CDH9: variants seen among roughly 807,000 people sequenced by gnomAD.
The protein encoded by CDH9 is cadherin-9.
In CDH9, 28 loss-of-function variants were observed where a neutral mutation model predicts 70.9. The ratio of observed to expected loss-of-function variants is 0.40; its 90% CI spans 0.29 to 0.54. The LOEUF (loss-of-function observed/expected upper bound fraction) is 0.54. CDH9 is among the 20% of genes least tolerant of loss of function. The pLI is 0.59. For missense variants in CDH9, 874 were observed against 984.4 expected (o/e 0.89, Z 1.50); for synonymous variants, 409 against 343.1 (o/e 1.19, Z -2.12).
chr5:27,038,502 C>T lies in CDH9; in HGVS notation c.-89G>A, dbSNP rs1037367237. On this transcript the variant is annotated 5_prime_UTR_variant, in exon 1 of 12. In the 5' UTR this introduces an upstream ATG that the reference lacks. Coordinates refer to ENST00000231021, the MANE Select transcript of CDH9 (RefSeq NM_016279.4). ...GAACTGAGTTTAGCCCTACTCCGCA[C>T]TGACAGTTCCGTTGTTGCTTCTGTC... 3.4e-4 allele frequency: 52 copies of T among 152,060 alleles called. No individual in the cohort carries two copies. The highest frequency in any genetic ancestry group is 4.4e-5 in the Non-Finnish European group (3 of 67,978). The allele number at this position is 152,060 out of a possible 1,614,324, so 9.4% of individuals were successfully genotyped here. A position where few individuals can be genotyped will look rare whatever the true frequency, so the allele number is the denominator to read the frequency against.
At chr5:26,997,883 A>G (rs1742693868) in intron 1 of CDH9, among the ~76,000 whole-genome samples, 1 of 152,090 alleles carries the variant, frequency 6.6e-6, no homozygotes, top group South Asian at 2.1e-4. Context: ...TATTTTTAGT[A>G]GAGAAGGTGT....
At chr5:26,946,052 A>G (rs1259875018) in intron 2 of CDH9, among the ~76,000 whole-genome samples, 2 of 152,190 alleles carry the variant, frequency 1.3e-5, no homozygotes, top group African/African-American at 4.8e-5. Flanking sequence ...TAAATTTCCT[A>G]GACACTATGA....
intron 1 of CDH9, among the ~76,000 whole-genome samples, chr5:26,999,383 TCA>T (rs1742725097): frequency 6.6e-6 from 1 of 152,206 alleles, no homozygotes; most frequent in African/African-American, 2.4e-5. Flanking sequence ...ATACTCTTAT[TCA>T]ATAGAGATAG....
At chr5:26,924,989 G>A (rs180688567) in intron 2 of CDH9, among the ~76,000 whole-genome samples, 26 of 151,998 alleles carry the variant, frequency 1.7e-4, no homozygotes, top group Admixed American at 8.5e-4. Context: ...CTTTCCTATC[G>A]TGAATAGTGC....
chr5:26,949,501 A>G (rs1205958765), intron 2 of CDH9, among the ~76,000 whole-genome samples: 1 of 152,260 alleles, frequency 6.6e-6, no homozygotes, highest in Non-Finnish European at 1.5e-5. Flanking sequence ...CAAAACTCTT[A>G]GTTATTCTCT....
chr5:26,921,284 G>C (rs1026849729), intron 2 of CDH9, among the ~76,000 whole-genome samples: 1 of 152,118 alleles, frequency 6.6e-6, no homozygotes, highest in Non-Finnish European at 1.5e-5. Context: ...TAGTTAACCT[G>C]TCAGAATATA....
Position 26,988,115 on chromosome 5 carries a change from A to T in CDH9, c.219T>A (p.Tyr73Ter). 1 of 1,608,674 alleles carries T rather than the reference A, an allele frequency of 6.2e-7. No homozygotes were observed. Residue 73 changes from tyrosine (Y) to a stop codon, truncating the protein, a stop_gained, in exon 2 of 12, where the codon TAT becomes TAA. Coordinates refer to ENST00000231021, the MANE Select transcript of CDH9 (RefSeq NM_016279.4). LOFTEE classifies it high-confidence loss of function. Reference protein sequence around the residue: ...LEEYTGTDTQYVGKLHTDQDK... With the variant: ...LEEYTGTDTQ ...ATACAAAAATTCTTACCTTGCCTAC[A>T]TATTGTGTGTCAGTACCTGTGTACT...
chr5:26,896,853 A>C (rs892962842), intron 7 of CDH9, among the ~76,000 whole-genome samples: 2 of 151,918 alleles, frequency 1.3e-5, no homozygotes, highest in African/African-American at 4.8e-5. Context: ...ACACAAAAAA[A>C]CCCTCAAAAA....
At chr5:26,974,109 T>C (rs1175910770) in intron 2 of CDH9, among the ~76,000 whole-genome samples, 1 of 152,026 alleles carries the variant, frequency 6.6e-6, no homozygotes, top group Non-Finnish European at 1.5e-5. Flanking sequence ...CCGGGCATGA[T>C]AGTGGGTGCC....
chr5:26,896,085 TTCCAC>T (rs1246747928), intron 7 of CDH9, among the ~76,000 whole-genome samples: 2 of 152,068 alleles, frequency 1.3e-5, no homozygotes, highest in Non-Finnish European at 2.9e-5. Flanking sequence ...CTCAATATTT[TTCCAC>T]TCCTTATAAT....
At chr5:26,953,967 TC>T (rs1291801803) in intron 2 of CDH9, among the ~76,000 whole-genome samples, 2 of 150,826 alleles carry the variant, frequency 1.3e-5, no homozygotes, top group Non-Finnish European at 3.0e-5. Flanking sequence ...CACACATAGA[TC>T]AAAAAAATAA....
chr5:27,016,803 G>A (rs1051135859), intron 1 of CDH9, among the ~76,000 whole-genome samples: 3 of 151,764 alleles, frequency 2.0e-5, no homozygotes, highest in African/African-American at 7.2e-5. Context: ...CACAGAGAAA[G>A]TTTAAAAGAG....
chr5:26,907,253 T>A (rs1001905182), intron 3 of CDH9, among the ~76,000 whole-genome samples: 82 of 152,238 alleles, frequency 5.4e-4, no homozygotes, highest in African/African-American at 1.9e-3. Context: ...TGCTGCTTTT[T>A]ATTCTGGTAT....
intron 9 of CDH9, among the ~76,000 whole-genome samples, chr5:26,887,221 G>A (rs1456149296): frequency 6.6e-6 from 1 of 151,748 alleles, no homozygotes; most frequent in East Asian, 1.9e-4. Context: ...TGGAATATAA[G>A]AAAATAATTA....
chr5:26,942,310 C>T (rs576444931), intron 2 of CDH9, among the ~76,000 whole-genome samples: 2 of 152,242 alleles, frequency 1.3e-5, no homozygotes, highest in East Asian at 1.9e-4. Context: ...GGGTCCCTCC[C>T]ACAACACATG....
At chr5:26,905,012 A>T (rs1048900810) in intron 5 of CDH9, among the ~76,000 whole-genome samples, 1 of 152,192 alleles carries the variant, frequency 6.6e-6, no homozygotes, top group Non-Finnish European at 1.5e-5. Flanking sequence ...CTTATTATTT[A>T]TGTTCTCAGC....
chr5:26,965,602 T>TAATAATAATAAA (rs1321707879), intron 2 of CDH9, among the ~76,000 whole-genome samples: 7 of 149,280 alleles, frequency 4.7e-5, no homozygotes, highest in Non-Finnish European at 5.9e-5. Flanking sequence ...ATAATAATAA[T>TAATAATAATAAA]AAATATTTCT....
intron 2 of CDH9, among the ~76,000 whole-genome samples, chr5:26,957,128 T>C (rs990158374): frequency 3.9e-5 from 6 of 151,928 alleles, no homozygotes; most frequent in Non-Finnish European, 8.8e-5. Flanking sequence ...ATACCCCTGA[T>C]TTTTATGTAT....
chr5:27,005,213 A>G (rs1318397301), intron 1 of CDH9, among the ~76,000 whole-genome samples: 1 of 152,138 alleles, frequency 6.6e-6, no homozygotes, highest in Non-Finnish European at 1.5e-5. Context: ...AGTTTTTAAA[A>G]TTATGTACAG....
Sources: allele counts gnomAD v4.1 joint callset (sites outside exome capture counted in the v4.1 genomes callset), GRCh38; gene constraint gnomAD v4.1.1; transcripts MANE v1.5; gene names NCBI Gene and HGNC (gene_info 2026-07-23, HGNC 2026-07-21).